Variants in NKAIN2 observed in about 807,000 individuals in gnomAD.
NKAIN2 encodes the protein sodium/potassium-transporting ATPase subunit beta-1-interacting protein 2.
Under a neutral mutation model 32.6 loss-of-function variants are expected in NKAIN2, and 14 were observed. That is an observed-to-expected ratio of 0.43 (90% CI 0.28 to 0.67). The LOEUF (loss-of-function observed/expected upper bound fraction) is 0.67, where lower values mean the gene tolerates loss of function less well. Among genes scored for constraint, NKAIN2 ranks in the 30% least tolerant of loss-of-function variants. The pLI is 0.17. For missense variants in NKAIN2, 198 were observed against 258.3 expected (o/e 0.77, Z 1.60); for synonymous variants, 80 against 87.2 (o/e 0.92, Z 0.46).
chr6:123,960,981 A>G (rs1018665119), intron 1 of NKAIN2, among the ~76,000 whole-genome samples: 15 of 152,176 alleles, frequency 9.9e-5, no homozygotes, highest in African/African-American at 3.6e-4. Flanking sequence ...GAAAAAAAAT[A>G]TATGAATAGA....
rs557882307 is a variant in NKAIN2 at position 124,763,134 on chromosome 6, G to A, written c.475-28205G>A. Reference sequence around the variant, plus strand: ...GAAGCAGAGAGTAAAATGGGGTTGGGGGAAAGCAGGGTGATTGGGGAGCTG... The same window carrying A: ...GAAGCAGAGAGTAAAATGGGGTTGGAGGAAAGCAGGGTGATTGGGGAGCTG... On this transcript the variant is annotated intron_variant, in intron 4 of 6. Coordinates refer to ENST00000368417, the MANE Select transcript of NKAIN2 (RefSeq NM_001040214.3). 2.0e-5 allele frequency among the ~76,000 whole-genome samples: 3 copies of A among 152,284 alleles called. No homozygotes were observed. The East Asian group carries it at 5.8e-4, about 29-fold the overall frequency.
At chr6:123,982,047 G>C (rs1402992378) in intron 1 of NKAIN2, among the ~76,000 whole-genome samples, 1 of 152,082 alleles carries the variant, frequency 6.6e-6, no homozygotes, top group Non-Finnish European at 1.5e-5. Context: ...GTTAAGTCTA[G>C]CAAAAATATT....
intron 1 of NKAIN2, among the ~76,000 whole-genome samples, chr6:123,938,213 G>T (rs1776611126): frequency 6.6e-6 from 1 of 151,356 alleles, no homozygotes; most frequent in Non-Finnish European, 1.5e-5. Context: ...AACACTAGGG[G>T]AAGAGATTTT....
intron 1 of NKAIN2, among the ~76,000 whole-genome samples, chr6:124,258,759 T>C (rs1175317365): frequency 6.6e-6 from 1 of 152,208 alleles, no homozygotes; most frequent in Non-Finnish European, 1.5e-5. Context: ...GGGCCTATAT[T>C]CTTCACTTTC....
At chr6:124,168,023 G>A (rs1053331334) in intron 1 of NKAIN2, among the ~76,000 whole-genome samples, 14 of 152,100 alleles carry the variant, frequency 9.2e-5, no homozygotes, top group Admixed American at 4.6e-4. Flanking sequence ...AAAAAACCAA[G>A]CATTTATTCT....
At chr6:124,492,977 G>T (rs1583332613) in intron 3 of NKAIN2, among the ~76,000 whole-genome samples, 1 of 151,806 alleles carries the variant, frequency 6.6e-6, no homozygotes, top group Non-Finnish European at 1.5e-5. Flanking sequence ...ATGAGTTCAG[G>T]CAATACACTA....
chr6:124,497,660 A>G (rs1439917970), intron 3 of NKAIN2, among the ~76,000 whole-genome samples: 2 of 152,018 alleles, frequency 1.3e-5, no homozygotes, highest in South Asian at 4.2e-4. Context: ...AAAATTCTCA[A>G]TATTTACTAC....
At chr6:124,210,988 GTT>G (rs1161133602) in intron 1 of NKAIN2, among the ~76,000 whole-genome samples, 92 of 150,692 alleles carry the variant, frequency 6.1e-4, no homozygotes, top group African/African-American at 2.1e-3. Context: ...TCAAATAAGT[GTT>G]GAAAGTGGGC....
At chr6:124,146,303 A>G (rs115551600) in intron 1 of NKAIN2, among the ~76,000 whole-genome samples, 2,609 of 152,298 alleles carry the variant, frequency 0.017, 63 homozygotes, top group African/African-American at 0.049. Context: ...CAGAACTACA[A>G]TTAGAAAAAA....
chr6:124,359,621 T>A (rs553215030), intron 3 of NKAIN2, among the ~76,000 whole-genome samples: 30 of 152,326 alleles, frequency 2.0e-4, no homozygotes, highest in African/African-American at 7.0e-4. Flanking sequence ...CACATTCATT[T>A]TGTATCCTGA....
rs150966690 is a variant in NKAIN2, at chr6:124,811,646, G to T, written c.536-6741G>T. 5.3e-5 allele frequency among the ~76,000 whole-genome samples: 8 copies of T among 152,094 alleles called. No homozygotes were observed. The East Asian group carries it at 1.5e-3, about 29-fold the overall frequency. On this transcript the variant is annotated intron_variant, in intron 5 of 6. Coordinates refer to ENST00000368417, the MANE Select transcript of NKAIN2 (RefSeq NM_001040214.3). ...GTACATCCACTGACCCTACCCATAGGTCAATAGATGTAAACATACCCACAC... is the reference window on the plus strand; with the variant it reads ...GTACATCCACTGACCCTACCCATAGTTCAATAGATGTAAACATACCCACAC...
chr6:124,639,996 A>G (rs1223895641), intron 3 of NKAIN2, among the ~76,000 whole-genome samples: 1 of 152,210 alleles, frequency 6.6e-6, no homozygotes, highest in Middle Eastern at 3.2e-3. Flanking sequence ...TGTCTCCAAC[A>G]CAAAGGATAA....
At chr6:123,982,128 T>C (rs1268878514) in intron 1 of NKAIN2, among the ~76,000 whole-genome samples, 1 of 152,148 alleles carries the variant, frequency 6.6e-6, no homozygotes, top group Non-Finnish European at 1.5e-5. Context: ...AAGCCTGATA[T>C]TTGTAGAGTT....
At chr6:124,678,350 G>A (rs1773458674) in intron 4 of NKAIN2, among the ~76,000 whole-genome samples, 1 of 151,786 alleles carries the variant, frequency 6.6e-6, no homozygotes, top group South Asian at 2.1e-4. Context: ...TATATACATT[G>A]GTTCACTTAA....
intron 2 of NKAIN2, among the ~76,000 whole-genome samples, chr6:124,354,998 A>G (rs2115144623): frequency 6.6e-6 from 1 of 151,734 alleles, no homozygotes; most frequent in South Asian, 2.1e-4. Context: ...TCAACCTGAA[A>G]GAAAGAGGTT....
chr6:124,250,760 A>C (rs950441669), intron 1 of NKAIN2, among the ~76,000 whole-genome samples: 2 of 152,042 alleles, frequency 1.3e-5, no homozygotes, highest in Admixed American at 1.3e-4. Flanking sequence ...AATGTTAGTA[A>C]AGATATAGGT....
chr6:124,009,442 T>A (rs1780221902), intron 1 of NKAIN2, among the ~76,000 whole-genome samples: 1 of 152,154 alleles, frequency 6.6e-6, no homozygotes, highest in Admixed American at 6.5e-5. Context: ...CCCTACCAAG[T>A]ATTTAGCATT....
At chr6:124,794,481 T>C (rs1373016938) in intron 5 of NKAIN2, among the ~76,000 whole-genome samples, 1 of 152,212 alleles carries the variant, frequency 6.6e-6, no homozygotes, top group Non-Finnish European at 1.5e-5. Flanking sequence ...AAATAACATA[T>C]ATGTTTTTAT....
intron 2 of NKAIN2, among the ~76,000 whole-genome samples, chr6:124,292,631 A>T (rs1795871252): frequency 6.8e-6 from 1 of 146,862 alleles, no homozygotes; most frequent in African/African-American, 2.7e-5. Flanking sequence ...TTCAAGATGG[A>T]TTTGCTCTGG....
Sources: gnomAD v4.1 joint callset for allele counts (sites outside exome capture counted in the v4.1 genomes callset) on GRCh38, gnomAD v4.1.1 for gene constraint, MANE v1.5 for transcripts, NCBI Gene and HGNC (gene_info 2026-07-23, HGNC 2026-07-21) for gene names.